The following ARSB variants were observed in gnomAD, a reference collection of about 807,000 sequenced individuals.
ARSB encodes arylsulfatase B.
Under a neutral mutation model 50.9 loss-of-function variants are expected in ARSB, and 41 were observed. The observed-to-expected ratio is 0.81, with a 90% confidence interval of 0.63 to 1.04. ARSB has a LOEUF of 1.04. Among genes scored for constraint, ARSB ranks in the 50% least tolerant of loss-of-function variants. The pLI is 0.00. For synonymous variants in ARSB, 269 were observed against 284.8 expected (o/e 0.94, Z 0.56); for missense variants, 672 against 693.3 (o/e 0.97, Z 0.35).
chr5:78,938,999 C>A (rs1750763601), intron 4 of ARSB, among the ~76,000 whole-genome samples: 2 of 152,162 alleles, frequency 1.3e-5, no homozygotes, highest in Admixed American at 1.3e-4. Flanking sequence ...GGAAACTTCA[C>A]CCTCAAGTCA....
chr5:78,984,837 C>A, intron 1 of ARSB, 100 bp downstream of exon 1: 1 of 1,027,046 alleles, frequency 9.7e-7, no homozygotes, highest in South Asian at 4.8e-5. Flanking sequence ...GGTCCGAGCC[C>A]CGCCTGCCAG....
intron 4 of ARSB, among the ~76,000 whole-genome samples, chr5:78,887,429 C>T (rs553127762): frequency 3.2e-4 from 48 of 152,298 alleles, no homozygotes; most frequent in African/African-American, 1.1e-3. Context: ...GACCCAAACA[C>T]TTCCTACTGG....
intron 4 of ARSB, among the ~76,000 whole-genome samples, chr5:78,935,957 T>A (rs1750567136): frequency 1.8e-5 from 1 of 56,544 alleles, no homozygotes; most frequent in Admixed American, 2.5e-4. Context: ...CCCTCCCCCC[T>A]TCTCTCCTTC....
In ARSB at chr5:78,857,700, C is replaced by T. The variant is rs1314906809; in HGVS notation, c.1143-18274G>A. Among the ~76,000 whole-genome samples, 4 of 152,236 alleles carry T rather than the reference C, an allele frequency of 2.6e-5. No individual in the cohort carries two copies. In the East Asian group the frequency reaches 7.7e-4, roughly 29 times the overall value. On this transcript the variant is annotated intron_variant, in intron 5 of 7. Transcript: ENST00000264914. ...CGTACAATGTTTACCCCCATCCCAG[C>T]ACATATTATTGGCTATGGCAGTAAG...
At chr5:78,868,915 C>A (rs1746960481) in intron 5 of ARSB, among the ~76,000 whole-genome samples, 1 of 151,628 alleles carries the variant, frequency 6.6e-6, no homozygotes, top group South Asian at 2.1e-4. Flanking sequence ...ATTCAGGAAA[C>A]CCATCTCACG....
intron 6 of ARSB, among the ~76,000 whole-genome samples, chr5:78,835,371 C>A (rs1744905102): frequency 3.3e-5 from 5 of 151,992 alleles, no homozygotes; most frequent in Admixed American, 3.3e-4. Flanking sequence ...CTTCTGGGAG[C>A]ATGTGGTGCT....
intron 1 of ARSB, among the ~76,000 whole-genome samples, chr5:78,977,165 C>CTTA (rs1441513716): frequency 2.1e-5 from 3 of 142,658 alleles, no homozygotes; most frequent in African/African-American, 8.9e-5. Flanking sequence ...CCCCACTTCC[C>CTTA]CCCCGCGAGA....
intron 6 of ARSB, among the ~76,000 whole-genome samples, chr5:78,828,307 G>C (rs1431874679): frequency 6.6e-6 from 1 of 151,932 alleles, no homozygotes; most frequent in Non-Finnish European, 1.5e-5. Context: ...TGTACAAAAG[G>C]AGCTTCCCTG....
At chr5:78,905,814 T>C (rs1352764571) in intron 4 of ARSB, among the ~76,000 whole-genome samples, 1 of 151,324 alleles carries the variant, frequency 6.6e-6, no homozygotes, top group Non-Finnish European at 1.5e-5. Flanking sequence ...CTTTATGTGG[T>C]TTCTCTGATC....
At chr5:78,822,999 T>A (rs1319810802) in intron 6 of ARSB, among the ~76,000 whole-genome samples, 1 of 152,234 alleles carries the variant, frequency 6.6e-6, no homozygotes, top group Admixed American at 6.5e-5. Flanking sequence ...CAAAATTTTA[T>A]TATTTTGTGG....
intron 4 of ARSB, among the ~76,000 whole-genome samples, chr5:78,936,706 T>C (rs559003433): frequency 6.6e-6 from 1 of 152,218 alleles, no homozygotes; most frequent in Non-Finnish European, 1.5e-5. Context: ...TGAAGTTTGA[T>C]AAGCCCTGCA....
chr5:78,798,892 C>CCCAG (rs1486991849), intron 6 of ARSB, among the ~76,000 whole-genome samples: 1 of 152,188 alleles, frequency 6.6e-6, no homozygotes, highest in Non-Finnish European at 1.5e-5. Context: ...ATGGCCCAAA[C>CCCAG]CCAGGCATGT....
chr5:78,900,391 T>C (rs1466765862), intron 4 of ARSB, among the ~76,000 whole-genome samples: 2 of 152,212 alleles, frequency 1.3e-5, no homozygotes, highest in African/African-American at 4.8e-5. Context: ...ACAGGACTCC[T>C]GCTACGGAAC....
chr5:78,984,800 G>A (rs1753078140), intron 1 of ARSB, 137 bp downstream of exon 1: 6 of 635,888 alleles, frequency 9.4e-6, no homozygotes, highest in Admixed American at 4.9e-5. Flanking sequence ...GGGGCGAGAA[G>A]CCGCCGGGAC....
intron 1 of ARSB, 90 bp from the exon 2 acceptor site, chr5:78,969,282 T>C: frequency 7.4e-7 from 1 of 1,360,198 alleles, no homozygotes; most frequent in African/African-American, 1.4e-5. Flanking sequence ...ACTGATCATA[T>C]CTGTTGACTT....
chr5:78,959,998 A>G (rs1751911738), intron 3 of ARSB, among the ~76,000 whole-genome samples: 1 of 152,204 alleles, frequency 6.6e-6, no homozygotes, highest in African/African-American at 2.4e-5. Flanking sequence ...AGCAGCTGCC[A>G]TCACTGGAGC....
chr5:78,898,295 A>G (rs763524052), intron 4 of ARSB, among the ~76,000 whole-genome samples: 8 of 152,198 alleles, frequency 5.3e-5, no homozygotes, highest in African/African-American at 1.2e-4. Context: ...CCTTCTCACC[A>G]AGAAAATTTC....
intron 1 of ARSB, among the ~76,000 whole-genome samples, chr5:78,976,030 G>T (rs1752646214): frequency 6.6e-6 from 1 of 152,084 alleles, no homozygotes; most frequent in Admixed American, 6.6e-5. Context: ...AAAAGCTGGA[G>T]AATTTTTAAA....
intron 6 of ARSB, among the ~76,000 whole-genome samples, chr5:78,823,619 T>G (rs1335128104): frequency 6.6e-6 from 1 of 152,184 alleles, no homozygotes; most frequent in African/African-American, 2.4e-5. Context: ...GATACTGAGC[T>G]CCTTGCCATT....
Sources: gnomAD v4.1 joint callset for allele counts (sites outside exome capture counted in the v4.1 genomes callset) on GRCh38, gnomAD v4.1.1 for gene constraint, MANE v1.5 for transcripts, NCBI Gene and HGNC (gene_info 2026-07-23, HGNC 2026-07-21) for gene names.